Variants in SPAG16 observed in about 807,000 individuals in gnomAD.
SPAG16 encodes sperm associated antigen 16.
In SPAG16, 86 loss-of-function variants were observed where a neutral mutation model predicts 80.4. That is an observed-to-expected ratio of 1.07 (90% CI 0.90 to 1.28). The LOEUF (loss-of-function observed/expected upper bound fraction) is 1.28, where lower values mean the gene tolerates loss of function less well. Ranked by LOEUF, SPAG16 falls within the 50% of genes most tolerant of loss-of-function variation. The pLI, the probability that SPAG16 is intolerant of heterozygous loss-of-function variation, is 0.00. For missense variants in SPAG16, 870 were observed against 765.3 expected (o/e 1.14, Z -1.61); for synonymous variants, 294 against 265.9 (o/e 1.11, Z -1.03).
chr2:214,130,056 G>A (rs1359850961), intron 14 of SPAG16, among the ~76,000 whole-genome samples: 2 of 152,058 alleles, frequency 1.3e-5, no homozygotes, highest in Admixed American at 6.6e-5. Flanking sequence ...ACAAAGTGGG[G>A]GTCTGGCTTC....
At chr2:213,296,017 A>G in intron 1 of SPAG16, 47 bp from the exon 2 acceptor site, 1 of 1,542,186 alleles carries the variant, frequency 6.5e-7, no homozygotes, top group Non-Finnish European at 9.0e-7. Context: ...TTTGTGCAAT[A>G]ATTTTATTCT....
intron 9 of SPAG16, among the ~76,000 whole-genome samples, chr2:213,446,365 A>G (rs140198215): frequency 4.9e-4 from 75 of 152,358 alleles, no homozygotes; most frequent in Non-Finnish European, 9.1e-4. Context: ...TGAAGAGTTT[A>G]AAGATGGCAT....
chr2:213,589,091 CT>C (rs1424287407), intron 10 of SPAG16, among the ~76,000 whole-genome samples: 1 of 151,984 alleles, frequency 6.6e-6, no homozygotes, highest in Admixed American at 6.6e-5. Context: ...GTATAGTAAA[CT>C]GTTGATTACA....
chr2:213,513,657 G>C (rs547800319), intron 10 of SPAG16, among the ~76,000 whole-genome samples: 1 of 152,210 alleles, frequency 6.6e-6, no homozygotes, highest in Non-Finnish European at 1.5e-5. Flanking sequence ...CATTTTCAGA[G>C]CTAGATGCAA....
At chr2:213,518,535 A>G (rs1353663673) in intron 10 of SPAG16, among the ~76,000 whole-genome samples, 3 of 152,186 alleles carry the variant, frequency 2.0e-5, no homozygotes, top group Non-Finnish European at 2.9e-5. Flanking sequence ...GATTACAGGC[A>G]TGAGCTACCA....
chr2:214,130,383 T>C (rs1311610294), intron 14 of SPAG16, among the ~76,000 whole-genome samples: 2 of 152,170 alleles, frequency 1.3e-5, no homozygotes, highest in East Asian at 1.9e-4. Context: ...TGGTTCTGTA[T>C]TAACTTTGAG....
intron 10 of SPAG16, among the ~76,000 whole-genome samples, chr2:213,616,157 G>C (rs2061589709): frequency 1.3e-5 from 2 of 152,182 alleles, no homozygotes; most frequent in Admixed American, 6.5e-5. Flanking sequence ...AAGTGGAAGA[G>C]GGGGATTCAA....
chr2:214,105,160 G>A (rs943851284), intron 13 of SPAG16, among the ~76,000 whole-genome samples: 3 of 152,072 alleles, frequency 2.0e-5, no homozygotes, highest in Non-Finnish European at 4.4e-5. Context: ...GGCATAGGGC[G>A]GGGCAGAGCC....
At chr2:214,279,907 TA>T (rs1692783237) in intron 15 of SPAG16, among the ~76,000 whole-genome samples, 1 of 152,010 alleles carries the variant, frequency 6.6e-6, no homozygotes, top group South Asian at 2.1e-4. Flanking sequence ...AAAGAAGAAA[TA>T]AAAAAGTATT....
intron 13 of SPAG16, among the ~76,000 whole-genome samples, chr2:214,026,275 A>G (rs1436001746): frequency 8.6e-5 from 13 of 151,426 alleles, no homozygotes; most frequent in Non-Finnish European, 1.3e-4. Context: ...CACAGAAACC[A>G]TGTGTATATT....
chr2:213,563,192 A>G (rs1263532896), intron 10 of SPAG16, among the ~76,000 whole-genome samples: 2 of 152,116 alleles, frequency 1.3e-5, no homozygotes, highest in East Asian at 1.9e-4. Context: ...TTTTATATTC[A>G]TAATTATAGT....
intron 10 of SPAG16, among the ~76,000 whole-genome samples, chr2:213,757,523 G>T (rs2068409252): frequency 6.6e-6 from 1 of 152,112 alleles, no homozygotes; most frequent in South Asian, 2.1e-4. Context: ...GGAAGCACCA[G>T]GAATCTGTCT....
chr2:214,258,559 A>G (rs1036802470), intron 15 of SPAG16, among the ~76,000 whole-genome samples: 2 of 151,056 alleles, frequency 1.3e-5, no homozygotes, highest in African/African-American at 4.9e-5. Flanking sequence ...GGGCATTTCA[A>G]CTAGTTTCAT....
At chr2:214,170,867 T>C (rs2056847038) in intron 15 of SPAG16, among the ~76,000 whole-genome samples, 1 of 152,084 alleles carries the variant, frequency 6.6e-6, no homozygotes, top group African/African-American at 2.4e-5. Flanking sequence ...ATAACCTTGA[T>C]ATAACTCTAA....
intron 15 of SPAG16, among the ~76,000 whole-genome samples, chr2:214,202,394 A>C (rs1014268473): frequency 3.1e-4 from 47 of 152,226 alleles, no homozygotes; most frequent in Non-Finnish European, 4.4e-5. Flanking sequence ...TTTGAAGGAC[A>C]TAAATGACTA....
intron 15 of SPAG16, among the ~76,000 whole-genome samples, chr2:214,176,248 A>G (rs1274590880): frequency 1.3e-5 from 2 of 151,358 alleles, no homozygotes; most frequent in African/African-American, 4.8e-5. Flanking sequence ...GATAAATGTT[A>G]AGATACTGTA....
chr2:214,337,982 G>C (rs1576816890), intron 15 of SPAG16, among the ~76,000 whole-genome samples: 1 of 152,076 alleles, frequency 6.6e-6, no homozygotes, highest in Non-Finnish European at 1.5e-5. Context: ...TAGTGGTAGA[G>C]ATGATGAGAT....
At chr2:214,033,232 A>G (rs1307497059) in intron 13 of SPAG16, among the ~76,000 whole-genome samples, 1 of 152,192 alleles carries the variant, frequency 6.6e-6, no homozygotes, top group Non-Finnish European at 1.5e-5. Flanking sequence ...TCTTATGGGT[A>G]TGTGGGTGTG....
intron 13 of SPAG16, among the ~76,000 whole-genome samples, chr2:214,031,283 T>C (rs2048394267): frequency 1.3e-5 from 2 of 151,350 alleles, no homozygotes; most frequent in African/African-American, 2.4e-5. Context: ...TTCATGTCCT[T>C]TGTAGGGACA....
Sources: allele counts gnomAD v4.1 joint callset (sites outside exome capture counted in the v4.1 genomes callset), GRCh38; gene constraint gnomAD v4.1.1; transcripts MANE v1.5; gene names NCBI Gene and HGNC (gene_info 2026-07-23, HGNC 2026-07-21).